Variants in CEP76 observed in about 807,000 individuals in gnomAD.
The protein encoded by CEP76 is centrosomal protein 76, also known as centrosomal protein of 76 kDa.
Under a neutral mutation model 83.3 loss-of-function variants are expected in CEP76, and 55 were observed. That is an observed-to-expected ratio of 0.66 (90% CI 0.53 to 0.83). The LOEUF is 0.83. Among genes scored for constraint, CEP76 ranks in the 40% least tolerant of loss-of-function variants. The probability of loss-of-function intolerance (pLI) is 0.00; values close to 1 mark genes in which losing one functional copy is unlikely to be tolerated. For synonymous variants in CEP76, 270 were observed against 274.5 expected, an observed-to-expected ratio of 0.98 and a Z score of 0.16; for missense variants, 694 against 799.5, an observed-to-expected ratio of 0.87 and a Z score of 1.59.
chr18:12,702,449 C>T (rs1386845224), intron 1 of CEP76, 37 bp downstream of exon 1: 4 of 1,511,696 alleles, frequency 2.6e-6, no homozygotes, highest in South Asian at 1.1e-5. Flanking sequence ...GGTTATGGGT[C>T]GGCCCGGCGG....
At chr18:12,691,202 T>C (rs1360290869) in intron 7 of CEP76, 157 bp downstream of exon 7, 10 of 494,476 alleles carry the variant, frequency 2.0e-5, no homozygotes. Context: ...CCACTCACTA[T>C]GCAGTGAAAG....
intron 9 of CEP76, among the ~76,000 whole-genome samples, chr18:12,678,722 G>A (rs372070381): frequency 9.2e-5 from 14 of 152,022 alleles, no homozygotes; most frequent in South Asian, 2.1e-4. Context: ...TTGGGAGGCC[G>A]AGGCAGGGGG....
intron 5 of CEP76, 65 bp downstream of exon 5, chr18:12,697,158 T>C (rs1568031623): frequency 1.7e-6 from 2 of 1,168,868 alleles, no homozygotes; most frequent in South Asian, 1.6e-5. Context: ...TTTAAAGATA[T>C]AAAATATATT....
intron 7 of CEP76, among the ~76,000 whole-genome samples, chr18:12,688,210 G>A (rs1176533443): frequency 7.1e-6 from 1 of 140,530 alleles, no homozygotes; most frequent in Non-Finnish European, 1.5e-5. Flanking sequence ...CAGCCTGGGC[G>A]AGAGCGAGAC....
At chr18:12,667,321 G>A (rs1390711232) in intron 12 of CEP76, among the ~76,000 whole-genome samples, 1 of 152,136 alleles carries the variant, frequency 6.6e-6, no homozygotes, top group Non-Finnish European at 1.5e-5. Context: ...GCTGAGTGTG[G>A]TGGTACATGC....
downstream of CEP76, chr18:12,671,133 G>C (rs903952707): frequency 3.3e-5 from 5 of 150,042 alleles, no homozygotes; most frequent in South Asian, 4.2e-4. Context: ...AGAGAAATAG[G>C]GGGGGGTCTC....
downstream of CEP76, chr18:12,670,942 C>T (rs183019859): frequency 1.1e-3 from 173 of 152,138 alleles, 1 homozygote; most frequent in African/African-American, 3.8e-3. Flanking sequence ...AACCACTATG[C>T]TTTAAAAAAA....
In CEP76 at chr18:12,678,165, C is replaced by G; in HGVS notation, c.1567G>C (p.Val523Leu). 1 of 1,614,148 alleles carries G rather than the reference C, an allele frequency of 6.2e-7. No homozygotes were observed. Among genetic ancestry groups the G allele is most frequent in the Non-Finnish European group, 8.5e-7 (1 of 1,180,018 alleles). Residue 523 changes from valine to leucine, a missense_variant, in exon 10 of 12, where the codon GTA (valine) becomes CTA (leucine). Coordinates refer to ENST00000262127, the MANE Select transcript of CEP76 (RefSeq NM_024899.4). ...PLCASTIDAS[V>L]TSNEIEMQLR... ...TGCATTTCAATTTCATTACTTGTTA[C>G]TGACGCGTCAATTGTGGATGCACAC...
At chr18:12,690,744 C>T (rs1331067904) in intron 7 of CEP76, among the ~76,000 whole-genome samples, 1 of 152,052 alleles carries the variant, frequency 6.6e-6, no homozygotes, top group African/African-American at 2.4e-5. Context: ...CGTGAGCCAC[C>T]GCGCCTAGCT....
intron 7 of CEP76, among the ~76,000 whole-genome samples, chr18:12,690,061 T>C (rs1009246763): frequency 4.6e-5 from 7 of 150,764 alleles, no homozygotes; most frequent in African/African-American, 1.7e-4. Context: ...AGTGCTGGGA[T>C]TACAGGCGTG....
chr18:12,689,298 C>A (rs2039660081), intron 7 of CEP76, among the ~76,000 whole-genome samples: 1 of 152,036 alleles, frequency 6.6e-6, no homozygotes, highest in Non-Finnish European at 1.5e-5. Flanking sequence ...AGAAACAGTT[C>A]TGAGGAATCT....
chr18:12,702,565 T>A lies in CEP76; in HGVS notation c.-17A>T. Reference sequence around the variant, plus strand: ...CAGCGACATGCTGGCAGCCGGCGTCTCCCCGCCGCTTCTCCCCGCCTCAGA... The same window carrying A: ...CAGCGACATGCTGGCAGCCGGCGTCACCCCGCCGCTTCTCCCCGCCTCAGA... On this transcript the variant is annotated 5_prime_UTR_variant, in exon 1 of 12. Coordinates refer to ENST00000262127, the MANE Select transcript of CEP76 (RefSeq NM_024899.4). The A allele has an allele frequency of 6.5e-7, 1 of 1,546,728 alleles. No individual in the cohort carries two copies. The highest frequency in any genetic ancestry group is 8.7e-7 in the Non-Finnish European group (1 of 1,149,764).
At chr18:12,671,499 A>G (rs1052092557), downstream of CEP76, among the ~76,000 whole-genome samples, 5 of 152,224 alleles carry the variant, frequency 3.3e-5, no homozygotes, top group South Asian at 6.2e-4. Context: ...TAAATGGGCA[A>G]TCAAACCCCT....
At chr18:12,688,807 C>T (rs2039638265) in intron 7 of CEP76, among the ~76,000 whole-genome samples, 1 of 152,098 alleles carries the variant, frequency 6.6e-6, no homozygotes, top group African/African-American at 2.4e-5. Flanking sequence ...AGATACAGAA[C>T]ATTTCCATCA....
At chr18:12,685,966 A>G (rs1033810372) in intron 8 of CEP76, 1 of 205,500 alleles carries the variant, frequency 4.9e-6, no homozygotes, top group Non-Finnish European at 9.9e-6. Context: ...ACCTAAGCAC[A>G]TCCTCCTATA....
Position 12,673,317 on chromosome 18 carries a change from G to C in CEP76, c.*48C>G. On this transcript the variant is annotated 3_prime_UTR_variant, in exon 12 of 12. Coordinates refer to ENST00000262127, the MANE Select transcript of CEP76 (RefSeq NM_024899.4). Reference sequence around the variant, plus strand: ...TAAATAGCTAAGTAATGTACAATGTGTAAAATTCCAATTAAACACAGGTAT... The same window carrying C: ...TAAATAGCTAAGTAATGTACAATGTCTAAAATTCCAATTAAACACAGGTAT... 1 of 1,563,886 alleles carries C rather than the reference G, an allele frequency of 6.4e-7. No homozygotes were observed. Among genetic ancestry groups the C allele is most frequent in the Non-Finnish European group, 8.6e-7 (1 of 1,162,908 alleles).
intron 1 of CEP76, among the ~76,000 whole-genome samples, chr18:12,701,539 G>A (rs995232137): frequency 2.6e-5 from 4 of 152,080 alleles, no homozygotes; most frequent in Admixed American, 6.6e-5. Flanking sequence ...TCACCGATAA[G>A]AATGGAAAAA....
At chr18:12,688,239 A>C (rs1026520679) in intron 7 of CEP76, among the ~76,000 whole-genome samples, 6 of 151,934 alleles carry the variant, frequency 3.9e-5, no homozygotes, top group East Asian at 3.8e-4. Flanking sequence ...AAAAAAAAAA[A>C]AAAAAAAACA....
intron 5 of CEP76, among the ~76,000 whole-genome samples, chr18:12,696,441 T>C (rs1033954000): frequency 6.6e-6 from 1 of 152,070 alleles, no homozygotes; most frequent in African/African-American, 2.4e-5. Context: ...AGGCGGGGGT[T>C]GCAGTGAGCC....
Sources: allele counts gnomAD v4.1 joint callset (sites outside exome capture counted in the v4.1 genomes callset), GRCh38; gene constraint gnomAD v4.1.1; transcripts MANE v1.5; gene names NCBI Gene and HGNC (gene_info 2026-07-23, HGNC 2026-07-21).